Variants in DPP10 observed in about 807,000 individuals in gnomAD.
DPP10 encodes inactive dipeptidyl peptidase 10.
A neutral mutation model predicts 120.9 loss-of-function variants in DPP10; 33 were observed. That is an observed-to-expected ratio of 0.27 (90% CI 0.21 to 0.37). The LOEUF is 0.37. Ranked by LOEUF, DPP10 falls within the 10% of genes least tolerant of loss-of-function variation. The probability of loss-of-function intolerance (pLI) is 1.00; values close to 1 mark genes in which losing one functional copy is unlikely to be tolerated. For missense variants in DPP10, 816 were observed against 942.8 expected (o/e 0.87, Z 1.76); for synonymous variants, 337 against 326.1 (o/e 1.03, Z -0.36).
At chr2:114,700,239 C>A (rs1049659273) in intron 1 of DPP10, among the ~76,000 whole-genome samples, 2 of 152,006 alleles carry the variant, frequency 1.3e-5, no homozygotes, top group African/African-American at 4.8e-5. Flanking sequence ...GAATCAATCA[C>A]CTCCCCACAC....
At chr2:115,688,148 A>G (rs1290861292) in intron 5 of DPP10, among the ~76,000 whole-genome samples, 1 of 152,174 alleles carries the variant, frequency 6.6e-6, no homozygotes. Flanking sequence ...GGAACTTTAT[A>G]GAACACAAAG....
intron 1 of DPP10, among the ~76,000 whole-genome samples, chr2:114,697,870 ACAGGGG>A (rs1318886859): frequency 6.6e-6 from 1 of 152,046 alleles, no homozygotes; most frequent in Non-Finnish European, 1.5e-5. Flanking sequence ...AGATCTTACA[ACAGGGG>A]CAGAAGTACA....
At chr2:114,625,190 TTTG>T (rs1194246947) in intron 1 of DPP10, among the ~76,000 whole-genome samples, 2 of 151,988 alleles carry the variant, frequency 1.3e-5, no homozygotes, top group African/African-American at 4.8e-5. Flanking sequence ...AAATTTTTAT[TTTG>T]TTGTTGTATT....
chr2:115,400,561 G>C (rs1208069644), intron 3 of DPP10, among the ~76,000 whole-genome samples: 1 of 152,020 alleles, frequency 6.6e-6, no homozygotes, highest in Non-Finnish European at 1.5e-5. Flanking sequence ...TTGAGAGACT[G>C]TAAGTCCAGA....
At chr2:115,293,655 C>G (rs898519686) in intron 1 of DPP10, among the ~76,000 whole-genome samples, 1 of 151,628 alleles carries the variant, frequency 6.6e-6, no homozygotes, top group Non-Finnish European at 1.5e-5. Flanking sequence ...CATAGAGCTT[C>G]GTTACAGTAA....
intron 5 of DPP10, among the ~76,000 whole-genome samples, chr2:115,620,861 A>G (rs1474273767): frequency 2.0e-5 from 3 of 152,234 alleles, no homozygotes; most frequent in Non-Finnish European, 2.9e-5. Flanking sequence ...CAGTACCCAT[A>G]GTTACCCCAG....
intron 1 of DPP10, among the ~76,000 whole-genome samples, chr2:115,028,695 T>G (rs1449206360): frequency 6.6e-6 from 1 of 151,990 alleles, no homozygotes; most frequent in Non-Finnish European, 1.5e-5. Flanking sequence ...TGTCTTTGCT[T>G]AACATTAGAC....
intron 1 of DPP10, among the ~76,000 whole-genome samples, chr2:114,447,089 C>A (rs958928931): frequency 2.0e-5 from 3 of 150,258 alleles, no homozygotes; most frequent in African/African-American, 7.4e-5. Flanking sequence ...CTCCGCCTCC[C>A]AGTTTCAAGT....
At chr2:115,096,698 T>C (rs1297526810) in intron 1 of DPP10, among the ~76,000 whole-genome samples, 2 of 152,168 alleles carry the variant, frequency 1.3e-5, no homozygotes, top group Non-Finnish European at 2.9e-5. Flanking sequence ...GCATACACTT[T>C]TGTACCATTT....
At chr2:114,574,966 C>T (rs1232602555) in intron 1 of DPP10, among the ~76,000 whole-genome samples, 3 of 152,060 alleles carry the variant, frequency 2.0e-5, no homozygotes, top group Non-Finnish European at 4.4e-5. Flanking sequence ...GAAACAGGAT[C>T]CATAAACTGA....
intron 1 of DPP10, among the ~76,000 whole-genome samples, chr2:115,128,875 C>T (rs189514642): frequency 1.8e-3 from 279 of 152,234 alleles, no homozygotes; most frequent in African/African-American, 6.4e-3. Flanking sequence ...ACGTCGAGAT[C>T]CTTCAACACT....
intron 3 of DPP10, among the ~76,000 whole-genome samples, chr2:115,424,633 A>G (rs182636226): frequency 1.5e-4 from 23 of 152,108 alleles, no homozygotes; most frequent in African/African-American, 5.5e-4. Context: ...AGGAGGGTGT[A>G]TTTTTAAAAT....
chr2:114,497,693 G>A (rs1361087652), intron 1 of DPP10, among the ~76,000 whole-genome samples: 1 of 152,120 alleles, frequency 6.6e-6, no homozygotes, highest in Non-Finnish European at 1.5e-5. Flanking sequence ...CAGACTCAGA[G>A]GATTTAAGTA....
chr2:115,184,350 A>G (rs1057498764), intron 1 of DPP10, among the ~76,000 whole-genome samples: 1 of 152,156 alleles, frequency 6.6e-6, no homozygotes, highest in African/African-American at 2.4e-5. Context: ...CCTGTATTGG[A>G]TAGGGAGGAA....
At chr2:114,572,907 G>A (rs543615801) in intron 1 of DPP10, among the ~76,000 whole-genome samples, 24 of 152,176 alleles carry the variant, frequency 1.6e-4, no homozygotes, top group South Asian at 2.1e-4. Flanking sequence ...ATTTAAAGTC[G>A]TGTAGAAAAC....
At chr2:114,519,616 ATTGT>A (rs1413641291) in intron 1 of DPP10, among the ~76,000 whole-genome samples, 3 of 152,198 alleles carry the variant, frequency 2.0e-5, no homozygotes, top group African/African-American at 7.2e-5. Context: ...CCTAAACAAA[ATTGT>A]TTGCATTCTA....
intron 7 of DPP10, among the ~76,000 whole-genome samples, chr2:115,717,532 G>A (rs1246718955): frequency 1.3e-5 from 2 of 152,016 alleles, no homozygotes; most frequent in Non-Finnish European, 2.9e-5. Context: ...ATCTGTAAAG[G>A]ATAATTTTAA....
intron 7 of DPP10, among the ~76,000 whole-genome samples, chr2:115,710,890 T>A (rs1439529863): frequency 6.6e-6 from 1 of 152,058 alleles, no homozygotes; most frequent in Non-Finnish European, 1.5e-5. Context: ...TTCAATAATA[T>A]AGTTAATAAA....
intron 3 of DPP10, among the ~76,000 whole-genome samples, chr2:115,364,477 G>A (rs903647371): frequency 6.6e-6 from 1 of 151,890 alleles, no homozygotes; most frequent in Non-Finnish European, 1.5e-5. Context: ...TAGTACGTGG[G>A]TTTGTATCCC....
Sources: gnomAD v4.1 joint callset for allele counts (sites outside exome capture counted in the v4.1 genomes callset) on GRCh38, gnomAD v4.1.1 for gene constraint, MANE v1.5 for transcripts, NCBI Gene and HGNC (gene_info 2026-07-23, HGNC 2026-07-21) for gene names.